Variants in MGAT4C observed in about 807,000 individuals in gnomAD.
MGAT4C encodes MGAT4 family member C.
In MGAT4C, 19 loss-of-function variants were observed where a neutral mutation model predicts 40.1. The ratio of observed to expected loss-of-function variants is 0.47; its 90% confidence interval spans 0.33 to 0.70. The LOEUF is 0.70. Among genes scored for constraint, MGAT4C ranks in the 30% least tolerant of loss-of-function variants. The pLI is 0.02. For synonymous variants in MGAT4C, 181 were observed against 187.1 expected, an observed-to-expected ratio of 0.97 and a Z score of 0.27; for missense variants, 491 against 563.2, an observed-to-expected ratio of 0.87 and a Z score of 1.30.
intron 1 of MGAT4C, among the ~76,000 whole-genome samples, chr12:86,104,912 C>T (rs1875866684): frequency 6.6e-6 from 1 of 151,938 alleles, no homozygotes; most frequent in African/African-American, 2.4e-5. Context: ...TTAATAGACT[C>T]CAATACTTTT....
chr12:86,285,702 C>T (rs1197360510), intron 4 of MGAT4C, among the ~76,000 whole-genome samples: 1 of 151,644 alleles, frequency 6.6e-6, no homozygotes, highest in Admixed American at 6.6e-5. Context: ...CCCCTGATGT[C>T]TTTAGAGATG....
At chr12:86,717,644 G>T (rs1565945571) in intron 2 of MGAT4C, among the ~76,000 whole-genome samples, 1 of 151,970 alleles carries the variant, frequency 6.6e-6, no homozygotes, top group Non-Finnish European at 1.5e-5. Context: ...TTTATAAATT[G>T]TTTTTATTCA....
rs757667968 is a variant in MGAT4C, at chr12:86,395,727, T to C, written c.-120+39430A>G. ...AATAAGTCCTTGATTTTCTTTCCCTTGAAATCTATAACACAGCTTTAAAGT... is the reference window on the plus strand; with the variant it reads ...AATAAGTCCTTGATTTTCTTTCCCTCGAAATCTATAACACAGCTTTAAAGT... On this transcript the variant is annotated intron_variant, in intron 3 of 7. Coordinates refer to the MGAT4C transcript ENST00000548651. Among the ~76,000 whole-genome samples, 9 of 152,306 alleles carry C rather than the reference T, an allele frequency of 5.9e-5. No homozygotes were observed. The South Asian group carries it at 1.0e-3, about 18-fold the overall frequency.
At chr12:86,368,971 A>G (rs1955665577) in intron 3 of MGAT4C, among the ~76,000 whole-genome samples, 1 of 151,992 alleles carries the variant, frequency 6.6e-6, no homozygotes, top group Admixed American at 6.6e-5. Flanking sequence ...TGGGGTATTG[A>G]AGTTTCCTAC....
chr12:86,548,502 G>A (rs966952394), intron 2 of MGAT4C, among the ~76,000 whole-genome samples: 1 of 151,916 alleles, frequency 6.6e-6, no homozygotes, highest in Non-Finnish European at 1.5e-5. Flanking sequence ...TCCCGTTTAC[G>A]CAGGCTTGGA....
chr12:86,006,534 G>T (rs138239509), intron 2 of MGAT4C, among the ~76,000 whole-genome samples: 21 of 152,236 alleles, frequency 1.4e-4, no homozygotes, highest in African/African-American at 4.8e-4. Flanking sequence ...CAAGAGGAGG[G>T]ACTGACAAAG....
chr12:85,988,132 T>C (rs971834741), intron 3 of MGAT4C, among the ~76,000 whole-genome samples: 5 of 152,154 alleles, frequency 3.3e-5, no homozygotes, highest in African/African-American at 1.2e-4. Context: ...CCTACTCAAA[T>C]CCTGTTTAAT....
At chr12:86,181,032 G>GATTC (rs1294643160) in intron 1 of MGAT4C, among the ~76,000 whole-genome samples, 1 of 152,150 alleles carries the variant, frequency 6.6e-6, no homozygotes, top group East Asian at 1.9e-4. Context: ...GACCCAGGGG[G>GATTC]AGGTAATTGA....
chr12:86,357,091 C>T (rs1955332443), intron 3 of MGAT4C, among the ~76,000 whole-genome samples: 1 of 152,176 alleles, frequency 6.6e-6, no homozygotes, highest in Non-Finnish European at 1.5e-5. Flanking sequence ...CGACTGACAC[C>T]TCATATGGCT....
chr12:86,010,123 T>TA (rs1297663332), intron 2 of MGAT4C, among the ~76,000 whole-genome samples: 1 of 152,080 alleles, frequency 6.6e-6, no homozygotes, highest in African/African-American at 2.4e-5. Flanking sequence ...AATACCCAAT[T>TA]AAAAATACAA....
intron 2 of MGAT4C, among the ~76,000 whole-genome samples, chr12:86,666,864 C>T (rs530638426): frequency 6.7e-6 from 1 of 149,936 alleles, no homozygotes. Flanking sequence ...AAGTAGTAAA[C>T]AGATCATACC....
intron 2 of MGAT4C, among the ~76,000 whole-genome samples, chr12:86,605,413 T>C (rs1962009715): frequency 6.6e-6 from 1 of 152,070 alleles, no homozygotes; most frequent in East Asian, 1.9e-4. Context: ...CACTGGCATA[T>C]GTAGATCAAC....
chr12:86,174,839 G>A (rs976197969), intron 1 of MGAT4C, among the ~76,000 whole-genome samples: 1 of 151,942 alleles, frequency 6.6e-6, no homozygotes, highest in Non-Finnish European at 1.5e-5. Flanking sequence ...TATTTTCTTC[G>A]GTAAGCTTAG....
chr12:86,371,305 T>C (rs2136211647), intron 3 of MGAT4C, among the ~76,000 whole-genome samples: 1 of 152,026 alleles, frequency 6.6e-6, no homozygotes, highest in East Asian at 1.9e-4. Context: ...TCCCACTCTT[T>C]AGTTCCTCAC....
At chr12:86,187,825 C>T (rs1378563248) in intron 1 of MGAT4C, among the ~76,000 whole-genome samples, 2 of 151,776 alleles carry the variant, frequency 1.3e-5, no homozygotes, top group Non-Finnish European at 2.9e-5. Context: ...CTAAGGTGCG[C>T]TTCACTAAAA....
At chr12:86,315,202 A>G (rs1303469717) in intron 4 of MGAT4C, among the ~76,000 whole-genome samples, 1 of 152,148 alleles carries the variant, frequency 6.6e-6, no homozygotes, top group African/African-American at 2.4e-5. Flanking sequence ...ACCAGAAATA[A>G]AGCCACACAC....
rs111866163 is a variant in MGAT4C, at chr12:86,423,402, C to G, written c.-120+11755G>C. The stretch of plus-strand genomic sequence containing the variant: ...GCTCCATTTAAATAAAAAAAATTAA[C>G]AAGTCTCAGAAAACATAAGGTAATG... On this transcript the variant is annotated intron_variant, in intron 3 of 7. Coordinates refer to the MGAT4C transcript ENST00000548651. 5.8e-3 allele frequency among the ~76,000 whole-genome samples: 880 copies of G among 151,668 alleles called. 7 individuals carry two copies. The highest frequency in any genetic ancestry group is 0.02 in the African/African-American group (844 of 41,396).
chr12:86,676,972 T>C (rs891967929), intron 2 of MGAT4C, among the ~76,000 whole-genome samples: 2 of 152,106 alleles, frequency 1.3e-5, no homozygotes, highest in African/African-American at 2.4e-5. Context: ...CATCCTCCTA[T>C]TGAAGGACCT....
At chr12:86,118,394 G>A (rs1878787782) in intron 1 of MGAT4C, among the ~76,000 whole-genome samples, 1 of 152,152 alleles carries the variant, frequency 6.6e-6, no homozygotes, top group Admixed American at 6.6e-5. Context: ...TGTATTTTAT[G>A]TTAGTGCCCA....
Sources: gnomAD v4.1 joint callset for allele counts (sites outside exome capture counted in the v4.1 genomes callset) on GRCh38, gnomAD v4.1.1 for gene constraint, MANE v1.5 for transcripts, NCBI Gene and HGNC (gene_info 2026-07-23, HGNC 2026-07-21) for gene names.